The following RIN3 variants were observed in gnomAD, a reference collection of about 807,000 sequenced individuals.
RIN3 encodes the protein Ras and Rab interactor 3, also known as RAB5 interacting protein 3.
A neutral mutation model predicts 76.3 loss-of-function variants in RIN3; 54 were observed. The ratio of observed to expected loss-of-function variants is 0.71; its 90% CI spans 0.57 to 0.89. The LOEUF (loss-of-function observed/expected upper bound fraction) is 0.89. Among genes scored for constraint, RIN3 ranks in the 40% least tolerant of loss-of-function variants. The probability of loss-of-function intolerance (pLI) is 0.00; values close to 1 mark genes in which losing one functional copy is unlikely to be tolerated. For synonymous variants in RIN3, 576 were observed against 564.0 expected (o/e 1.02, Z -0.30); for missense variants, 1,256 against 1,322.1 (o/e 0.95, Z 0.78).
At chr14:92,609,679 G>A (rs1376310004) in intron 3 of RIN3, among the ~76,000 whole-genome samples, 3 of 152,198 alleles carry the variant, frequency 2.0e-5, no homozygotes, top group Admixed American at 2.0e-4. Flanking sequence ...CTTTTCAGCT[G>A]TACTAGTAGG....
intron 4 of RIN3, among the ~76,000 whole-genome samples, chr14:92,624,823 A>G (rs1886294390): frequency 6.6e-6 from 1 of 152,196 alleles, no homozygotes; most frequent in Non-Finnish European, 1.5e-5. Context: ...TTCCCCTGGG[A>G]CTATGGCCCA....
intron 2 of RIN3, chr14:92,576,523 G>A: frequency 1.4e-6 from 1 of 721,556 alleles, no homozygotes; most frequent in Non-Finnish European, 2.1e-6. Flanking sequence ...TGGCATGGAG[G>A]TCCCAAGCGT....
intron 7 of RIN3, among the ~76,000 whole-genome samples, chr14:92,674,951 G>C (rs1050621618): frequency 6.6e-6 from 1 of 151,402 alleles, no homozygotes; most frequent in Admixed American, 6.6e-5. Flanking sequence ...TGCTTGCCAT[G>C]AGCTGCACCT....
intron 1 of RIN3, among the ~76,000 whole-genome samples, chr14:92,544,414 T>TGGGGGGGGGG (rs71123353): frequency 1.5e-3 from 114 of 74,534 alleles, no homozygotes; most frequent in Admixed American, 1.9e-3. Flanking sequence ...GTGACAGCTG[T>TGGGGGGGGGG]GGGGGGGGGG....
intron 5 of RIN3, among the ~76,000 whole-genome samples, chr14:92,647,530 A>G: frequency 6.6e-6 from 1 of 152,176 alleles, no homozygotes; most frequent in Non-Finnish European, 1.5e-5. Flanking sequence ...GTTTGCTTGT[A>G]ACTTGCTTTT....
rs1171107146 is a variant in RIN3 at position 92,688,985 on chromosome 14, T to TTGAAAGA, written c.*738_*739insGATGAAA. 1 of 152,280 alleles carries TTGAAAGA rather than the reference T, an allele frequency of 6.6e-6. No homozygotes were observed. Among genetic ancestry groups the TTGAAAGA allele is most frequent in the Non-Finnish European group, 1.5e-5 (1 of 68,098 alleles). The allele number at this position is 152,280 out of a possible 1,614,324, so 9.4% of individuals were successfully genotyped here. A position where few individuals can be genotyped will look rare whatever the true frequency, so the allele number is the denominator to read the frequency against. ...TGGGGAGAATTTAATAAAAGCCCTTTTGAAAATGACATCTTTTCTGAAGGG... is the reference window on the plus strand; with the variant it reads ...TGGGGAGAATTTAATAAAAGCCCTTTTGAAAGATGAAAATGACATCTTTTCTGAAGGG... On this transcript the variant is annotated 3_prime_UTR_variant, in exon 10 of 10. Coordinates refer to ENST00000216487, the MANE Select transcript of RIN3 (RefSeq NM_024832.5).
chr14:92,568,430 T>C lies in RIN3; in HGVS notation c.250-8930T>C, dbSNP rs1441621000. 2.0e-5 allele frequency among the ~76,000 whole-genome samples: 3 copies of C among 152,216 alleles called. No homozygotes were observed. The highest frequency in any genetic ancestry group is 7.2e-5 in the African/African-American group (3 of 41,460). On this transcript the variant is annotated intron_variant, in intron 2 of 9. Coordinates refer to ENST00000216487, the MANE Select transcript of RIN3 (RefSeq NM_024832.5). The surrounding 1 kb of genome is among the most constrained non-coding windows in gnomAD (Gnocchi z 4.2). ...GATAATTCACCATAATCTAAAATGT[T>C]CTTCAGGCATCACTGCGGCACAGTG...
intron 1 of RIN3, among the ~76,000 whole-genome samples, chr14:92,548,314 A>G (rs1230576615): frequency 1.3e-5 from 2 of 152,282 alleles, no homozygotes; most frequent in African/African-American, 2.4e-5. Flanking sequence ...TTTGAATCCC[A>G]GTTCTGCCAC....
intron 7 of RIN3, 151 bp from the exon 8 acceptor site, chr14:92,676,324 C>T (rs1172580513): frequency 4.4e-6 from 4 of 910,364 alleles, no homozygotes; most frequent in African/African-American, 3.3e-5. Context: ...CCTGGGTCCT[C>T]TCTGTCCTGA....
In RIN3 at chr14:92,528,401, T is replaced by C. The variant is rs141070910; in HGVS notation, c.44+14425T>C. Among the ~76,000 whole-genome samples the C allele has an allele frequency of 3.1e-3, 471 of 152,330 alleles. 3 individuals are homozygous for C. Among genetic ancestry groups the C allele is most frequent in the African/African-American group, 0.011 (459 of 41,578 alleles). On this transcript the variant is annotated intron_variant, in intron 1 of 9. Coordinates refer to ENST00000216487, the MANE Select transcript of RIN3 (RefSeq NM_024832.5). ...TCCACTCTCTGCCTCAGTTTCCTTA[T>C]CTGTAAAATGACAGCCTCTAATTCA...
chr14:92,657,628 G>A (rs1490893503), intron 6 of RIN3, among the ~76,000 whole-genome samples: 2 of 151,918 alleles, frequency 1.3e-5, no homozygotes, highest in Admixed American at 6.6e-5. Flanking sequence ...CCGAGGTCAT[G>A]CAGAAGCCCA....
intron 4 of RIN3, among the ~76,000 whole-genome samples, chr14:92,635,585 C>G (rs1453526879): frequency 1.3e-5 from 2 of 152,126 alleles, no homozygotes. Context: ...GGCGTGGCGG[C>G]TCACACCTGT....
At chr14:92,547,013 T>G (rs1430112380) in intron 1 of RIN3, among the ~76,000 whole-genome samples, 1 of 144,122 alleles carries the variant, frequency 6.9e-6, no homozygotes, top group African/African-American at 2.5e-5. Flanking sequence ...TTTTATTTTA[T>G]TATTAATATA....
chr14:92,653,089 GA>G lies in RIN3; in HGVS notation c.2026+15del. 1 of 1,590,806 alleles carries G rather than the reference GA, an allele frequency of 6.3e-7. No individual in the cohort carries two copies. The highest frequency in any genetic ancestry group is 1.1e-5 in the South Asian group (1 of 90,074). ...AGGAGGAGCTCGGTCAGTGCCCTGG[GA>G]GGAGGTGGCAGGGAGGAGAGGGCGG... On this transcript the variant is annotated intron_variant, in intron 6 of 9. Transcript: ENST00000216487.
At chr14:92,676,361 T>C in intron 7 of RIN3, 114 bp from the exon 8 acceptor site, 1 of 1,251,436 alleles carries the variant, frequency 8.0e-7, no homozygotes, top group Non-Finnish European at 1.1e-6. Context: ...GGAACATTCC[T>C]CTTCCAGGGA....
At chr14:92,666,891 C>T (rs1888124389) in intron 7 of RIN3, among the ~76,000 whole-genome samples, 1 of 152,198 alleles carries the variant, frequency 6.6e-6, no homozygotes, top group Non-Finnish European at 1.5e-5. Flanking sequence ...TGTAAACACC[C>T]TGATACCACC....
At chr14:92,618,255 G>A (rs1242727408) in intron 4 of RIN3, among the ~76,000 whole-genome samples, 2 of 152,102 alleles carry the variant, frequency 1.3e-5, no homozygotes, top group Non-Finnish European at 2.9e-5. Flanking sequence ...AGAGGCATAA[G>A]CAAGGGAAAA....
rs538729317 is a variant in RIN3 at position 92,513,953 on chromosome 14, G to A, written c.21G>A (p.Ala7=). MIRHAG[A]PARGDPTGPV... ...GCGGCATGATCCGACACGCCGGGGC[G>A]CCCGCGCGCGGGGACCCCACGGGGT... The change falls in exon 1 of 10, where the codon GCG becomes GCA. Residue 7 remains alanine (A), a synonymous_variant. Coordinates refer to ENST00000216487, the MANE Select transcript of RIN3 (RefSeq NM_024832.5). The A allele has an allele frequency of 5.6e-4, 703 of 1,244,384 alleles. 2 individuals carry two copies. The African/African-American group carries it at 8.3e-3, about 15-fold the overall frequency. 77.1% of individuals were successfully genotyped at this position (1,244,384 alleles called of 1,614,324 possible). A position where few individuals can be genotyped will look rare whatever the true frequency, so the allele number is the denominator to read the frequency against.
At chr14:92,674,905 A>AAAAAG (rs1888408327) in intron 7 of RIN3, among the ~76,000 whole-genome samples, 1 of 150,018 alleles carries the variant, frequency 6.7e-6, no homozygotes. Flanking sequence ...AAAAAAAAAA[A>AAAAAG]GGGAAAAGAA....
Sources: gnomAD v4.1 joint callset for allele counts (sites outside exome capture counted in the v4.1 genomes callset) on GRCh38, gnomAD v4.1.1 for gene constraint, Gnocchi (gnomAD v3.1) non-coding constraint, MANE v1.5 for transcripts, NCBI Gene and HGNC (gene_info 2026-07-23, HGNC 2026-07-21) for gene names.